The following GRB14 variants were observed in gnomAD, a reference collection of about 807,000 sequenced individuals.
GRB14 encodes the protein growth factor receptor bound protein 14, also known as growth factor receptor-bound protein 14.
In GRB14, 38 loss-of-function variants were observed where a neutral mutation model predicts 69.1. That is an observed-to-expected ratio of 0.55 (90% CI 0.42 to 0.72). GRB14 has a LOEUF of 0.72. GRB14 is among the 30% of genes least tolerant of loss of function. The pLI is 0.00. For synonymous variants in GRB14, 247 were observed against 241.3 expected, an observed-to-expected ratio of 1.02 and a Z score of -0.22; for missense variants, 666 against 666.1, an observed-to-expected ratio of 1.00 and a Z score of 0.00.
At chr2:164,617,344 A>G (rs1690322506) in intron 2 of GRB14, among the ~76,000 whole-genome samples, 1 of 152,130 alleles carries the variant, frequency 6.6e-6, no homozygotes, top group African/African-American at 2.4e-5. Flanking sequence ...GTCATTGTGG[A>G]CACAGGATAC....
Position 164,534,148 on chromosome 2 carries a change from A to C in GRB14, c.482-7013T>G, listed in dbSNP as rs151061594. On this transcript the variant is annotated intron_variant, in intron 3 of 13. Coordinates refer to ENST00000263915, the MANE Select transcript of GRB14 (RefSeq NM_004490.3). ...CAGATAACATATTAAGGAAGCTAAT[A>C]AAAGTCAAGTGGATTGAATGCAGCT... is the stretch of plus-strand genomic sequence containing the variant. Among the ~76,000 whole-genome samples the C allele has an allele frequency of 1.4e-3, 213 of 152,312 alleles. 1 individual carries two copies. The highest frequency in any genetic ancestry group is 2.1e-3 in the Non-Finnish European group (145 of 68,016).
chr2:164,604,270 T>C lies in GRB14; in HGVS notation c.324+15417A>G, dbSNP rs150660457. 3.8e-3 allele frequency among the ~76,000 whole-genome samples: 579 copies of C among 152,298 alleles called. 1 individual carries two copies. Among genetic ancestry groups the C allele is most frequent in the African/African-American group, 0.013 (541 of 41,550 alleles). ...CCTTGCACACAGGCACAAGAATGTA[T>C]ATTATAGTGTGGTCTTTAATGATGG... On this transcript the variant is annotated intron_variant, in intron 2 of 13. Transcript: ENST00000263915.
rs755774595 is a variant in GRB14, at chr2:164,497,082, G to T, written c.1308C>A (p.Ser436=). 6.2e-7 allele frequency: 1 copy of T among 1,613,660 alleles called. No homozygotes were observed. The highest frequency in any genetic ancestry group is 1.3e-5 in the African/African-American group (1 of 74,990). ...SSATNMAIHR[S]QPWFHHKISR... The stretch of plus-strand genomic sequence containing the variant: ...AAATTTTGTGGTGAAACCATGGCTG[G>T]GACCGGTGGATAGCTAAAGAAATAG... Residue 436 remains serine (S), a synonymous_variant, in exon 12 of 14, where the codon TCC becomes TCA. Transcript: ENST00000263915.
At chr2:164,608,401 A>G (rs1369891068) in intron 2 of GRB14, among the ~76,000 whole-genome samples, 4 of 151,710 alleles carry the variant, frequency 2.6e-5, no homozygotes, top group African/African-American at 4.8e-5. Context: ...AAATTTTGAG[A>G]AAAAAAAATT....
chr2:164,563,796 C>T (rs1294234930), intron 2 of GRB14, among the ~76,000 whole-genome samples: 1 of 152,102 alleles, frequency 6.6e-6, no homozygotes, highest in East Asian at 1.9e-4. Context: ...AATGACAAAA[C>T]ATTTTAAAGA....
intron 2 of GRB14, among the ~76,000 whole-genome samples, chr2:164,608,422 A>G (rs1183647416): frequency 6.6e-6 from 1 of 152,164 alleles, no homozygotes; most frequent in Non-Finnish European, 1.5e-5. Context: ...TAAAACACTG[A>G]AAAATAAATT....
intron 2 of GRB14, among the ~76,000 whole-genome samples, chr2:164,606,410 C>T (rs939042764): frequency 4.6e-5 from 7 of 152,132 alleles, no homozygotes; most frequent in Admixed American, 1.3e-4. Flanking sequence ...TGGAACTTGG[C>T]GGGTAAATCT....
chr2:164,604,387 T>C (rs139913993), intron 2 of GRB14, among the ~76,000 whole-genome samples: 63 of 152,332 alleles, frequency 4.1e-4, no homozygotes, highest in African/African-American at 1.4e-3. Flanking sequence ...GTGATTTATA[T>C]TTATTCATAT....
chr2:164,523,104 G>A (rs1053338168), intron 5 of GRB14, among the ~76,000 whole-genome samples: 5 of 151,976 alleles, frequency 3.3e-5, no homozygotes, highest in Non-Finnish European at 7.4e-5. Context: ...GAGACACCAA[G>A]GAGTATCAAA....
At chr2:164,500,981 T>C (rs932375301) in intron 9 of GRB14, among the ~76,000 whole-genome samples, 2 of 152,160 alleles carry the variant, frequency 1.3e-5, no homozygotes, top group African/African-American at 4.8e-5. Flanking sequence ...TATTAACATG[T>C]TCATCCTAAT....
intron 3 of GRB14, among the ~76,000 whole-genome samples, chr2:164,539,033 G>A (rs997430247): frequency 3.3e-5 from 5 of 151,872 alleles, no homozygotes; most frequent in African/African-American, 4.8e-5. Flanking sequence ...ATATTGTGGT[G>A]GGAAGAAACC....
intron 2 of GRB14, among the ~76,000 whole-genome samples, chr2:164,576,654 T>C (rs1013340289): frequency 6.6e-6 from 1 of 151,786 alleles, no homozygotes; most frequent in African/African-American, 2.4e-5. Flanking sequence ...CTATATATCA[T>C]ATCTCATACT....
intron 3 of GRB14, among the ~76,000 whole-genome samples, chr2:164,542,199 T>C (rs1380835227): frequency 6.6e-6 from 1 of 152,190 alleles, no homozygotes; most frequent in Non-Finnish European, 1.5e-5. Flanking sequence ...ATTCAATAAA[T>C]GGTATTGGGA....
chr2:164,530,675 G>A (rs1687907326), intron 3 of GRB14, among the ~76,000 whole-genome samples: 1 of 152,116 alleles, frequency 6.6e-6, no homozygotes, highest in South Asian at 2.1e-4. Flanking sequence ...TGGTATGTTT[G>A]AAATACAGCC....
intron 2 of GRB14, among the ~76,000 whole-genome samples, chr2:164,567,944 T>A (rs1425305247): frequency 6.6e-6 from 1 of 152,080 alleles, no homozygotes; most frequent in African/African-American, 2.4e-5. Flanking sequence ...AAAGAAACTA[T>A]TCCTTAGTAA....
At chr2:164,552,949 T>C (rs958544595) in intron 2 of GRB14, among the ~76,000 whole-genome samples, 1 of 152,218 alleles carries the variant, frequency 6.6e-6, no homozygotes. Context: ...CTCTTTCATA[T>C]GCAGCAATAA....
chr2:164,508,906 G>A, intron 6 of GRB14, 54 bp from the exon 7 acceptor site: 1 of 1,233,988 alleles, frequency 8.1e-7, no homozygotes, highest in Non-Finnish European at 1.1e-6. Context: ...TCTTTTTTGT[G>A]TGTTTATATT....
chr2:164,608,745 T>C (rs1476255540), intron 2 of GRB14, among the ~76,000 whole-genome samples: 2 of 152,126 alleles, frequency 1.3e-5, no homozygotes, highest in African/African-American at 4.8e-5. Flanking sequence ...AAAAATCAAG[T>C]ATAAAATTAG....
intron 2 of GRB14, among the ~76,000 whole-genome samples, chr2:164,613,572 T>C (rs767330540): frequency 1.1e-4 from 16 of 152,192 alleles, no homozygotes; most frequent in Admixed American, 5.2e-4. Flanking sequence ...CAAGCAACAC[T>C]GCAAAGAAAT....
Sources: allele counts gnomAD v4.1 joint callset (sites outside exome capture counted in the v4.1 genomes callset), GRCh38; gene constraint gnomAD v4.1.1; transcripts MANE v1.5; gene names NCBI Gene and HGNC (gene_info 2026-07-23, HGNC 2026-07-21).